MZT2A: variants seen among roughly 807,000 people sequenced by gnomAD.
MZT2A encodes the protein mitotic spindle organizing protein 2A.
A neutral mutation model predicts 12.4 loss-of-function variants in MZT2A; 8 were observed. That is an observed-to-expected ratio of 0.64 (90% CI 0.38 to 1.16). MZT2A has a LOEUF of 1.16. Ranked by LOEUF, MZT2A falls within the 50% of genes most tolerant of loss-of-function variation. The pLI, the probability that MZT2A is intolerant of heterozygous loss-of-function variation, is 0.01. For missense variants in MZT2A, 181 were observed against 223.6 expected, an observed-to-expected ratio of 0.81 and a Z score of 1.22; for synonymous variants, 88 against 107.5, an observed-to-expected ratio of 0.82 and a Z score of 1.12.
At chr2:131,492,827 C>G (rs778165221), upstream of MZT2A, 1 of 1,457,966 alleles carries the variant, frequency 6.9e-7, no homozygotes, top group Non-Finnish European at 9.2e-7. Context: ...TACGCGCACG[C>G]GCATTCCTTG....
chr2:131,485,106 G>A (rs1317738632), intron 2 of MZT2A, among the ~76,000 whole-genome samples: 1 of 152,142 alleles, frequency 6.6e-6, no homozygotes, highest in East Asian at 1.9e-4. Flanking sequence ...CCCCCCATGC[G>A]GAGTGCCTTG....
At chr2:131,477,762 T>C (rs1678722916) in intron 2 of MZT2A, among the ~76,000 whole-genome samples, 1 of 151,812 alleles carries the variant, frequency 6.6e-6, no homozygotes, top group Non-Finnish European at 1.5e-5. Context: ...CATGGTGACC[T>C]GGGACCTACT....
intron 2 of MZT2A, among the ~76,000 whole-genome samples, chr2:131,475,338 T>C (rs2105266196): frequency 8.2e-6 from 1 of 121,408 alleles, no homozygotes; most frequent in East Asian, 2.1e-4. Context: ...TTTTTTTTTT[T>C]TTTTTTTGAA....
intron 3 of MZT2A, among the ~76,000 whole-genome samples, chr2:131,471,143 T>G (rs1206446820): frequency 3.6e-5 from 5 of 138,730 alleles, no homozygotes; most frequent in African/African-American, 1.7e-4. Flanking sequence ...GGCTCCCACA[T>G]GGGGAGAAAA....
downstream of MZT2A, chr2:131,482,970 A>G (rs985641013): frequency 2.6e-4 from 392 of 1,489,530 alleles, 1 homozygote; most frequent in Non-Finnish European, 3.3e-4. Context: ...CTCTGCCTAC[A>G]GGAGCCGGTG....
chr2:131,480,697 T>C (rs147467577), downstream of MZT2A: 2 of 1,613,184 alleles, frequency 1.2e-6, no homozygotes, highest in African/African-American at 2.7e-5. Context: ...ATCGCCACCA[T>C]CAAGACCAAG....
chr2:131,488,016 C>T (rs1051155914), intron 2 of MZT2A, among the ~76,000 whole-genome samples: 3 of 152,174 alleles, frequency 2.0e-5, no homozygotes, highest in African/African-American at 7.2e-5. Context: ...ATCCAGCAGC[C>T]TCGGCCTCCC....
intron 3 of MZT2A, among the ~76,000 whole-genome samples, chr2:131,470,785 C>T (rs1187651757): frequency 1.3e-5 from 2 of 148,222 alleles, no homozygotes; most frequent in African/African-American, 5.3e-5. Context: ...GCACTCATGC[C>T]TGTCATCCCA....
intron 2 of MZT2A, chr2:131,476,112 A>T (rs1678655865): frequency 6.2e-7 from 1 of 1,604,776 alleles, no homozygotes; most frequent in East Asian, 2.3e-5. Flanking sequence ...CGGCGCGCAC[A>T]GGCAGGAGGT....
chr2:131,475,933 G>T (rs959768895), intron 2 of MZT2A, among the ~76,000 whole-genome samples: 52 of 145,576 alleles, frequency 3.6e-4, no homozygotes, highest in Middle Eastern at 3.4e-3. Flanking sequence ...CAGCAACCGC[G>T]CAGCCTTTGA....
chr2:131,492,244 G>C lies in MZT2A; in HGVS notation c.133C>G (p.Gln45Glu). 1 of 1,586,320 alleles carries C rather than the reference G, an allele frequency of 6.3e-7. No individual in the cohort carries two copies. Among genetic ancestry groups the C allele is most frequent in the Non-Finnish European group, 8.5e-7 (1 of 1,172,702 alleles). Residue 45 changes from glutamine (Q) to glutamate (E), a missense_variant, in exon 1 of 3, where the codon CAG (glutamine) becomes GAG (glutamate). Around this residue, in one of 3 missense-constraint regions of MZT2A, gnomAD observed 106 missense variants for 127.2 expected, o/e 0.83. Transcript: ENST00000309451. ...TEEMELYELA[Q>E]AAGGGIDPDV... The stretch of plus-strand genomic sequence containing the variant: ...GGGTCGATACCGCCGCCCGCCGCCT[G>C]AGCCAGCTCGTACAGCTCCATCTCC...
downstream of MZT2A, chr2:131,482,592 G>A (rs1362872342): frequency 1.9e-6 from 3 of 1,613,426 alleles, no homozygotes; most frequent in South Asian, 2.2e-5. Flanking sequence ...GTCCCCGGGG[G>A]AGACCTGGCC....
At chr2:131,488,125 C>T (rs1300300551) in intron 2 of MZT2A, among the ~76,000 whole-genome samples, 1 of 152,166 alleles carries the variant, frequency 6.6e-6, no homozygotes, top group Non-Finnish European at 1.5e-5. Flanking sequence ...CCATGTGTGG[C>T]TCGAAGTTCC....
At chr2:131,492,988 G>A (rs1679412720), upstream of MZT2A, 5 of 1,517,050 alleles carry the variant, frequency 3.3e-6, no homozygotes, top group Non-Finnish European at 3.6e-6. Context: ...CTTTGCGCAC[G>A]TACCTTTTGA....
downstream of MZT2A, chr2:131,480,891 A>T: frequency 8.4e-7 from 1 of 1,197,450 alleles, no homozygotes; most frequent in Non-Finnish European, 1.2e-6. Context: ...ACCAGAGTTG[A>T]TAATTGATTC....
upstream of MZT2A, chr2:131,492,645 C>G (rs930118793): frequency 6.4e-6 from 8 of 1,251,168 alleles, no homozygotes; most frequent in African/African-American, 1.1e-4. Flanking sequence ...CCCTGATAGA[C>G]TTGCATTGGT....
At chr2:131,478,964 C>T (rs142053663), downstream of MZT2A, among the ~76,000 whole-genome samples, 490 of 152,156 alleles carry the variant, frequency 3.2e-3, 1 homozygote, top group African/African-American at 0.011. Context: ...GGTGACTGCC[C>T]AGGTTGTAAG....
At chr2:131,491,161 A>C in intron 2 of MZT2A, 1 of 551,312 alleles carries the variant, frequency 1.8e-6, no homozygotes, top group South Asian at 2.0e-5. Flanking sequence ...GAGCAGAAGC[A>C]ACATGCGGAG....
chr2:131,485,873 C>T (rs112283317), intron 2 of MZT2A, among the ~76,000 whole-genome samples: 12,491 of 151,262 alleles, frequency 0.083, 1,720 homozygotes, highest in African/African-American at 0.29. Context: ...TCTGAGATGC[C>T]GTGGACCCCC....
Sources: gnomAD v4.1 joint callset for allele counts (sites outside exome capture counted in the v4.1 genomes callset) on GRCh38, gnomAD v4.1.1 for gene constraint, gnomAD v4.1.1 regional missense constraint, MANE v1.5 for transcripts, NCBI Gene and HGNC (gene_info 2026-07-23, HGNC 2026-07-21) for gene names.